Variants in SSH2 observed in about 807,000 individuals in gnomAD.
SSH2 encodes the protein slingshot protein phosphatase 2.
Under a neutral mutation model 135.2 loss-of-function variants are expected in SSH2, and 37 were observed. The ratio of observed to expected loss-of-function variants is 0.27; its 90% confidence interval spans 0.21 to 0.36. The LOEUF (loss-of-function observed/expected upper bound fraction) is 0.36. SSH2 is among the 10% of genes least tolerant of loss of function. The pLI, the probability that SSH2 is intolerant of heterozygous loss-of-function variation, is 1.00. For synonymous variants in SSH2, 628 were observed against 646.2 expected (o/e 0.97, Z 0.43); for missense variants, 1,408 against 1,765.3 (o/e 0.80, Z 3.63).
rs376172599 is a variant in SSH2 at position 29,891,588 on chromosome 17, T to C, written c.63+38350A>G. Among the ~76,000 whole-genome samples, 19 of 149,802 alleles carry C rather than the reference T, an allele frequency of 1.3e-4. No individual in the cohort carries two copies. In the South Asian group the frequency reaches 1.9e-3, roughly 15 times the overall value. ...TAAAATGTTGAATATTATGTCATAG[T>C]AATAGAAAAAAAAAAACAAAATAGC... On this transcript the variant is annotated intron_variant, in intron 1 of 15. Transcript: ENST00000540801.
rs560190735 is a variant in SSH2 at position 29,805,330 on chromosome 17, A to G, written c.145-11393T>C. ...CCACCACGCCCGGCTAATTTTTTGT[A>G]TTTTTTAGTAGAGACGGGGTTTCAC... On this transcript the variant is annotated intron_variant, in intron 2 of 15. Transcript: ENST00000540801. Among the ~76,000 whole-genome samples, 7 of 151,370 alleles carry G rather than the reference A, an allele frequency of 4.6e-5. No individual in the cohort carries two copies. The East Asian group carries it at 9.8e-4, about 21-fold the overall frequency.
rs2150970005 is a variant in SSH2 at position 29,636,075 on chromosome 17, C to T, written c.2155G>A (p.Val719Ile). 1 of 1,614,204 alleles carries T rather than the reference C, an allele frequency of 6.2e-7. No individual in the cohort carries two copies. Among genetic ancestry groups the T allele is most frequent in the Non-Finnish European group, 8.5e-7 (1 of 1,180,030 alleles). ...GRNESCRLSV[V>I]EVAPSKVTAD... ...GTCACTTTGGAAGGGGCTACTTCTACCACTGACAGTCGACAGCTCTCATTC... is the reference window on the plus strand; with the variant it reads ...GTCACTTTGGAAGGGGCTACTTCTATCACTGACAGTCGACAGCTCTCATTC... Residue 719 changes from valine (V) to isoleucine (I), a missense_variant, in exon 15 of 16, where the codon GTA (valine) becomes ATA (isoleucine). Physicochemically the swap from Val to Ile is conservative, Grantham distance 29 (BLOSUM62 3). This residue lies in a region of SSH2 where 1,080 missense variants were observed against 1,144.5 expected (regional missense o/e 0.94). Coordinates refer to ENST00000540801, the MANE Select transcript of SSH2 (RefSeq NM_001282129.2).
chr17:29,745,350 G>C (rs2040725939), intron 3 of SSH2, among the ~76,000 whole-genome samples: 1 of 151,944 alleles, frequency 6.6e-6, no homozygotes. Flanking sequence ...AGTAGAGACG[G>C]GGTTTCACCA....
At position 29,629,542 on chromosome 17, in the gene SSH2, C is replaced by T. The variant is rs1598661027; in HGVS notation, c.*1299G>A. On this transcript the variant is annotated 3_prime_UTR_variant, in exon 16 of 16. Coordinates refer to ENST00000540801, the MANE Select transcript of SSH2 (RefSeq NM_001282129.2). ...TGTACAGATTCCTATCAACACCCAACACTTTCATTTCTGGTGTCTGTGTTT... is the reference window on the plus strand; with the variant it reads ...TGTACAGATTCCTATCAACACCCAATACTTTCATTTCTGGTGTCTGTGTTT... 1 of 152,668 alleles carries T rather than the reference C, an allele frequency of 6.6e-6. No individual in the cohort carries two copies. The highest frequency in any genetic ancestry group is 2.1e-4 in the South Asian group (1 of 4,836). 9.5% of individuals were successfully genotyped at this position (152,668 alleles called of 1,614,324 possible).
At chr17:29,783,118 T>C (rs1450801437) in intron 3 of SSH2, among the ~76,000 whole-genome samples, 1 of 151,962 alleles carries the variant, frequency 6.6e-6, no homozygotes, top group Admixed American at 6.6e-5. Context: ...CACAGGGAGT[T>C]GAAGCTGTTC....
rs2036888937 is a variant in SSH2, at chr17:29,658,621, C to A, written c.1033-3014G>T. Reference sequence around the variant, plus strand: ...CAGTGGCTCACGTCTGTAATCCCAACACTCTGGAGGCCGAGGCAGACGGAT... The same window carrying A: ...CAGTGGCTCACGTCTGTAATCCCAAAACTCTGGAGGCCGAGGCAGACGGAT... On this transcript the variant is annotated intron_variant, in intron 11 of 15. Coordinates refer to ENST00000540801, the MANE Select transcript of SSH2 (RefSeq NM_001282129.2). 2.6e-5 allele frequency among the ~76,000 whole-genome samples: 4 copies of A among 152,174 alleles called. No homozygotes were observed. The South Asian group carries it at 6.2e-4, about 24-fold the overall frequency.
chr17:29,856,127 G>C (rs768579150), intron 1 of SSH2: 18 of 301,816 alleles, frequency 6.0e-5, no homozygotes, highest in Admixed American at 9.2e-5. Context: ...ACATCTGGAT[G>C]GTTTAGATAA....
intron 4 of SSH2, among the ~76,000 whole-genome samples, chr17:29,697,061 C>G (rs1162656528): frequency 1.3e-5 from 2 of 152,174 alleles, no homozygotes; most frequent in South Asian, 4.1e-4. Context: ...TTAAAATGGC[C>G]AACCATTATT....
chr17:29,816,256 CAAATTTACT>C (rs2042557782), intron 2 of SSH2, among the ~76,000 whole-genome samples: 1 of 152,098 alleles, frequency 6.6e-6, no homozygotes, highest in Non-Finnish European at 1.5e-5. Flanking sequence ...CTCAGAGCAT[CAAATTTACT>C]TAACGGGAAG....
intron 3 of SSH2, among the ~76,000 whole-genome samples, chr17:29,721,593 C>A (rs960410258): frequency 6.6e-6 from 1 of 152,130 alleles, no homozygotes; most frequent in Non-Finnish European, 1.5e-5. Flanking sequence ...CATCAGGGGA[C>A]CCTAGACACC....
chr17:29,757,927 G>T lies in SSH2; in HGVS notation c.188+35967C>A, dbSNP rs186192344. Among the ~76,000 whole-genome samples, 493 of 151,850 alleles carry T rather than the reference G, an allele frequency of 3.2e-3. 2 individuals are homozygous for T. The highest frequency in any genetic ancestry group is 5.4e-3 in the Non-Finnish European group (365 of 67,932). ...CCAGGTGTGGTGGCATGTGCCTGTG[G>T]TCTCAGCTACACAGAAGTTGAAGCA... is the stretch of plus-strand genomic sequence containing the variant. On this transcript the variant is annotated intron_variant, in intron 3 of 15. Coordinates refer to ENST00000540801, the MANE Select transcript of SSH2 (RefSeq NM_001282129.2).
chr17:29,811,087 C>T lies in SSH2; in HGVS notation c.145-17150G>A, dbSNP rs2042433535. Among the ~76,000 whole-genome samples, 3 of 152,112 alleles carry T rather than the reference C, an allele frequency of 2.0e-5. No homozygotes were observed. The South Asian group carries it at 6.2e-4, about 31-fold the overall frequency. ...CTCGGCTCACTGCAACCTCTGCCTC[C>T]TGGGTTCAAGCGATTCTACTGCTTC... On this transcript the variant is annotated intron_variant, in intron 2 of 15. Transcript: ENST00000540801.
chr17:29,874,436 A>AC (rs1341401132), intron 1 of SSH2, among the ~76,000 whole-genome samples: 8 of 152,156 alleles, frequency 5.3e-5, no homozygotes, highest in African/African-American at 1.9e-4. Flanking sequence ...ACTCCCTATA[A>AC]CCCCGATAAG....
intron 2 of SSH2, among the ~76,000 whole-genome samples, chr17:29,812,915 A>C (rs1035566275): frequency 6.6e-6 from 1 of 151,890 alleles, no homozygotes; most frequent in African/African-American, 2.4e-5. Flanking sequence ...ACAAACAAAA[A>C]ACCAACCATG....
chr17:29,813,087 A>G (rs932581187), intron 2 of SSH2, among the ~76,000 whole-genome samples: 3 of 152,050 alleles, frequency 2.0e-5, no homozygotes, highest in African/African-American at 7.2e-5. Context: ...GATAAACACC[A>G]ATAAAAAAAT....
chr17:29,670,473 A>G (rs1405316261), intron 9 of SSH2, among the ~76,000 whole-genome samples: 1 of 152,188 alleles, frequency 6.6e-6, no homozygotes, highest in Non-Finnish European at 1.5e-5. Context: ...CTTTCATACA[A>G]TTTTTGGAAA....
At chr17:29,810,319 AG>A (rs986282255) in intron 2 of SSH2, among the ~76,000 whole-genome samples, 3 of 152,360 alleles carry the variant, frequency 2.0e-5, no homozygotes, top group Admixed American at 2.0e-4. Flanking sequence ...ATAGAAACAA[AG>A]ATGAATGGGT....
intron 11 of SSH2, among the ~76,000 whole-genome samples, chr17:29,658,867 C>T (rs1486344674): frequency 3.0e-5 from 1 of 33,410 alleles, no homozygotes; most frequent in African/African-American, 1.1e-4. Flanking sequence ...AACTCCGTCT[C>T]AAAAAAAAAA....
chr17:29,654,183 T>G (rs941165151), intron 12 of SSH2, among the ~76,000 whole-genome samples: 5 of 152,202 alleles, frequency 3.3e-5, no homozygotes, highest in African/African-American at 9.6e-5. Context: ...CTATCATTCA[T>G]TCACATTTAC....
Sources: allele counts gnomAD v4.1 joint callset (sites outside exome capture counted in the v4.1 genomes callset), GRCh38; gene constraint gnomAD v4.1.1; regional missense constraint gnomAD v4.1.1; transcripts MANE v1.5; gene names NCBI Gene and HGNC (gene_info 2026-07-23, HGNC 2026-07-21).